CCNY: variants seen among roughly 807,000 people sequenced by gnomAD.
The protein encoded by CCNY is cyclin-Y.
Under a neutral mutation model 42.8 loss-of-function variants are expected in CCNY, and 19 were observed. That is an observed-to-expected ratio of 0.44 (90% confidence interval 0.31 to 0.65). The LOEUF (loss-of-function observed/expected upper bound fraction) is 0.65, where lower values mean the gene tolerates loss of function less well. Ranked by LOEUF, CCNY falls within the 30% of genes least tolerant of loss-of-function variation. The pLI, the probability that CCNY is intolerant of heterozygous loss-of-function variation, is 0.07. For synonymous variants in CCNY, 165 were observed against 162.7 expected (o/e 1.01, Z -0.11); for missense variants, 370 against 437.3 (o/e 0.85, Z 1.37).
At chr10:35,565,977 C>G (rs1275746715) in intron 8 of CCNY, 46 bp from the exon 9 acceptor site, 1 of 1,573,082 alleles carries the variant, frequency 6.4e-7, no homozygotes, top group East Asian at 2.2e-5. Flanking sequence ...GCCACGTGGC[C>G]TGGTGTGGCA....
At chr10:35,312,809 T>C (rs1835705678) in intron 3 of CCNY, among the ~76,000 whole-genome samples, 1 of 145,700 alleles carries the variant, frequency 6.9e-6, no homozygotes, top group East Asian at 2.1e-4. Context: ...TGGAGTTCAG[T>C]GGTGTGATCA....
At chr10:35,449,592 A>G (rs2135310510) in intron 1 of CCNY, among the ~76,000 whole-genome samples, 1 of 150,934 alleles carries the variant, frequency 6.6e-6, no homozygotes, top group East Asian at 2.0e-4. Flanking sequence ...GAGAGTAATT[A>G]CTACGCGTGC....
chr10:35,407,512 C>T (rs190014529), intron 1 of CCNY, among the ~76,000 whole-genome samples: 6 of 152,160 alleles, frequency 3.9e-5, no homozygotes, highest in Admixed American at 6.5e-5. Flanking sequence ...CACCTCAGAC[C>T]GTTTGCCCAT....
intron 1 of CCNY, among the ~76,000 whole-genome samples, chr10:35,377,634 A>T (rs1273732398): frequency 4.6e-5 from 7 of 152,236 alleles, no homozygotes; most frequent in Non-Finnish European, 1.0e-4. Flanking sequence ...ATTTGATGGC[A>T]TGTGAATTAC....
rs1841697518 is a variant in CCNY, at chr10:35,572,085, G to C, written c.*2915G>C. Reference sequence around the variant, plus strand: ...CCTTCATGCATGAGGTGAGGCCAGAGGTGTGGGCACCTGTACCTGCCTCCT... The same window carrying C: ...CCTTCATGCATGAGGTGAGGCCAGACGTGTGGGCACCTGTACCTGCCTCCT... On this transcript the variant is annotated 3_prime_UTR_variant, in exon 10 of 10. Coordinates refer to ENST00000374704, the MANE Select transcript of CCNY (RefSeq NM_145012.6). The C allele has an allele frequency of 6.6e-6, 1 of 152,040 alleles. No individual in the cohort carries two copies. Among genetic ancestry groups the C allele is most frequent in the South Asian group, 2.1e-4 (1 of 4,824 alleles). The allele number at this position is 152,040 out of a possible 1,614,324, so 9.4% of individuals were successfully genotyped here. A position where few individuals can be genotyped will look rare whatever the true frequency, so the allele number is the denominator to read the frequency against.
At position 35,494,242 on chromosome 10, in the gene CCNY, C is replaced by CA. The variant is rs370357628; in HGVS notation, c.230-7259_230-7258insA. ...CTGGACAGCATAGTGAGACCCCCCC[C>CA]CCCATTTCTACAAAAAAATAAAGAT... On this transcript the variant is annotated intron_variant, in intron 2 of 9. Coordinates refer to ENST00000374704, the MANE Select transcript of CCNY (RefSeq NM_145012.6). 7.1e-5 allele frequency among the ~76,000 whole-genome samples: 10 copies of CA among 140,834 alleles called. 1 individual carries two copies. Among genetic ancestry groups the CA allele is most frequent in the Admixed American group, 3.4e-4 (5 of 14,556 alleles). 92.4% of individuals were successfully genotyped at this position (140,834 alleles called of 152,430 possible). A position where few individuals can be genotyped will look rare whatever the true frequency, so the allele number is the denominator to read the frequency against.
At chr10:35,257,495 A>G (rs1474643257) in intron 3 of CCNY, among the ~76,000 whole-genome samples, 1 of 151,596 alleles carries the variant, frequency 6.6e-6, no homozygotes, top group African/African-American at 2.4e-5. Flanking sequence ...CTTTTGAAGA[A>G]CTGTTAAGCC....
Position 35,570,440 on chromosome 10 carries a change from C to T in CCNY, c.*1270C>T, listed in dbSNP as rs1168765094. Reference sequence around the variant, plus strand: ...ATGACCATACTTTTTCATTTTCTGACGATCCCTGATTTCCTTATGGACTCA... The same window carrying T: ...ATGACCATACTTTTTCATTTTCTGATGATCCCTGATTTCCTTATGGACTCA... On this transcript the variant is annotated 3_prime_UTR_variant, in exon 10 of 10. Transcript: ENST00000374704. 1 of 152,266 alleles carries T rather than the reference C, an allele frequency of 6.6e-6. No individual in the cohort carries two copies. Among genetic ancestry groups the T allele is most frequent in the Non-Finnish European group, 1.5e-5 (1 of 68,018 alleles). 9.4% of individuals were successfully genotyped at this position (152,266 alleles called of 1,614,324 possible).
At chr10:35,457,006 CTT>C (rs1564418320) in intron 1 of CCNY, among the ~76,000 whole-genome samples, 1 of 152,186 alleles carries the variant, frequency 6.6e-6, no homozygotes, top group East Asian at 1.9e-4. Flanking sequence ...TGAACCAGCT[CTT>C]TATTCTCCTC....
chr10:35,423,226 A>G (rs1215717263), intron 1 of CCNY, among the ~76,000 whole-genome samples: 3 of 152,060 alleles, frequency 2.0e-5, no homozygotes, highest in Non-Finnish European at 4.4e-5. Flanking sequence ...TGTAATGTCA[A>G]CACTTCAGGA....
At chr10:35,504,272 G>C (rs1231415942) in intron 3 of CCNY, among the ~76,000 whole-genome samples, 2 of 152,206 alleles carry the variant, frequency 1.3e-5, no homozygotes, top group East Asian at 1.9e-4. Context: ...TCCAGGTGGA[G>C]AAAAGTAAGG....
chr10:35,272,793 G>A (rs1024987661), intron 3 of CCNY, among the ~76,000 whole-genome samples: 4 of 152,146 alleles, frequency 2.6e-5, no homozygotes, highest in African/African-American at 9.7e-5. Context: ...CCCAGTAATG[G>A]AATTGCTGGG....
At chr10:35,447,230 T>C (rs1190258861) in intron 1 of CCNY, among the ~76,000 whole-genome samples, 1 of 152,210 alleles carries the variant, frequency 6.6e-6, no homozygotes, top group African/African-American at 2.4e-5. Context: ...TGAGCTGAGA[T>C]CGTGCCACCG....
In CCNY at chr10:35,528,361, A is replaced by G. The variant is rs111576349; in HGVS notation, c.402-1612A>G. 3.4e-3 allele frequency among the ~76,000 whole-genome samples: 511 copies of G among 152,276 alleles called. 4 individuals carry two copies. The highest frequency in any genetic ancestry group is 0.012 in the African/African-American group (481 of 41,556). On this transcript the variant is annotated intron_variant, in intron 5 of 9. Coordinates refer to ENST00000374704, the MANE Select transcript of CCNY (RefSeq NM_145012.6). ...ATCTGTGTCTGTGCTGCCTGTGTTC[A>G]TGCAGGCAAATGTAAATGAGCACAG...
intron 4 of CCNY, among the ~76,000 whole-genome samples, chr10:35,520,304 TC>T (rs1840521697): frequency 1.3e-5 from 2 of 152,244 alleles, no homozygotes; most frequent in South Asian, 4.2e-4. Flanking sequence ...AGTTGTGAAA[TC>T]CACATGCCAT....
chr10:35,294,714 C>T (rs908307023), intron 3 of CCNY, among the ~76,000 whole-genome samples: 4 of 152,140 alleles, frequency 2.6e-5, no homozygotes, highest in South Asian at 2.1e-4. Context: ...TTTTCTAGTG[C>T]TATTCTTGTT....
intron 1 of CCNY, among the ~76,000 whole-genome samples, chr10:35,371,831 T>A (rs1261722506): frequency 6.6e-6 from 1 of 152,132 alleles, no homozygotes. Context: ...GGAAAGAACT[T>A]CAAGATGAAG....
chr10:35,519,729 T>A (rs911463620), intron 4 of CCNY, among the ~76,000 whole-genome samples: 3 of 152,024 alleles, frequency 2.0e-5, no homozygotes, highest in African/African-American at 7.2e-5. Flanking sequence ...ACTTCTTCAG[T>A]CTGTAATTCA....
At chr10:35,351,141 C>T (rs1379702698) in intron 1 of CCNY, among the ~76,000 whole-genome samples, 1 of 152,158 alleles carries the variant, frequency 6.6e-6, no homozygotes, top group Non-Finnish European at 1.5e-5. Flanking sequence ...TATTACAGAG[C>T]TCAAAGGGGA....
Sources: gnomAD v4.1 joint callset for allele counts (sites outside exome capture counted in the v4.1 genomes callset) on GRCh38, gnomAD v4.1.1 for gene constraint, MANE v1.5 for transcripts, NCBI Gene and HGNC (gene_info 2026-07-23, HGNC 2026-07-21) for gene names.